TMF1: variants seen among roughly 807,000 people sequenced by gnomAD.
TMF1 encodes the protein TATA element modulatory factor.
In TMF1, 71 loss-of-function variants were observed where a neutral mutation model predicts 126.5. The observed-to-expected ratio is 0.56, with a 90% CI of 0.46 to 0.68. The LOEUF (loss-of-function observed/expected upper bound fraction) is 0.68. Among genes scored for constraint, TMF1 ranks in the 30% least tolerant of loss-of-function variants. The probability of loss-of-function intolerance (pLI) is 0.00; values close to 1 mark genes in which losing one functional copy is unlikely to be tolerated. For missense variants in TMF1, 1,259 were observed against 1,253.2 expected, an observed-to-expected ratio of 1.00 and a Z score of -0.07; for synonymous variants, 461 against 430.5, an observed-to-expected ratio of 1.07 and a Z score of -0.88.
chr3:69,026,521 A>T (rs908615546), intron 13 of TMF1, among the ~76,000 whole-genome samples: 1 of 152,166 alleles, frequency 6.6e-6, no homozygotes, highest in African/African-American at 2.4e-5. Context: ...TGAACCTGGG[A>T]GGTGAGGTTG....
At chr3:69,041,338 GGACA>G (rs1193170321) in intron 5 of TMF1, among the ~76,000 whole-genome samples, 1 of 152,100 alleles carries the variant, frequency 6.6e-6, no homozygotes, top group African/African-American at 2.4e-5. Flanking sequence ...AGCCCCTAAA[GGACA>G]GAGTGTCATA....
chr3:69,036,225 A>C (rs1462061019), intron 8 of TMF1, among the ~76,000 whole-genome samples: 1 of 152,186 alleles, frequency 6.6e-6, no homozygotes, highest in South Asian at 2.1e-4. Context: ...GTTATAAAAC[A>C]GTATAAACAA....
chr3:69,035,646 T>G (rs749366085), intron 8 of TMF1, among the ~76,000 whole-genome samples: 2 of 152,168 alleles, frequency 1.3e-5, no homozygotes, highest in Non-Finnish European at 2.9e-5. Flanking sequence ...CAGTATTAAA[T>G]AGGCTAGCAA....
At chr3:69,031,388 G>T (rs2091801642) in intron 10 of TMF1, among the ~76,000 whole-genome samples, 1 of 151,734 alleles carries the variant, frequency 6.6e-6, no homozygotes, top group Non-Finnish European at 1.5e-5. Context: ...TATGGTAATG[G>T]ATATGTGGTA....
chr3:69,039,923 A>G (rs548727443), intron 5 of TMF1, among the ~76,000 whole-genome samples: 2 of 152,160 alleles, frequency 1.3e-5, no homozygotes, highest in Non-Finnish European at 2.9e-5. Flanking sequence ...TCACTCTCAT[A>G]TATCACCTAC....
rs34428015 is a variant in TMF1, at chr3:69,047,362, C to T, written c.1343G>A (p.Cys448Tyr). ...CCTTCCACTTACTAGAGTTACCTTG[C>T]AAACATCTTCCTTCTCAGAAAGTGC... ...PEALSEKEDV[C>Y]KTVEFLNEKL... Residue 448 changes from cysteine to tyrosine, a missense_variant, in exon 2 of 17, where the codon TGC becomes TAC. Cys to Tyr is a radical substitution (Grantham distance 194). Transcript: ENST00000398559. 4,617 of 1,578,896 alleles carry T rather than the reference C, an allele frequency of 2.9e-3. 116 individuals carry two copies. The African/African-American group carries it at 0.056, about 19-fold the overall frequency.
Position 69,048,148 on chromosome 3 carries a change from T to G in TMF1, c.557A>C (p.Asp186Ala). ...KHEETVNKES[D>A]MKVPTVSLKV... ...CAAACTTACAGTTGGCACCTTCATA[T>G]CCGATTCTTTATTAACAGTTTCTTC... Residue 186 changes from aspartate to alanine, a missense_variant, in exon 2 of 17, where the codon GAT (aspartate) becomes GCT (alanine). Physicochemically the swap from Asp to Ala is moderately radical, Grantham distance 126. Coordinates refer to ENST00000398559, the MANE Select transcript of TMF1 (RefSeq NM_007114.3). The G allele has an allele frequency of 6.2e-7, 1 of 1,614,202 alleles. No individual in the cohort carries two copies. Among genetic ancestry groups the G allele is most frequent in the South Asian group, 1.1e-5 (1 of 91,082 alleles).
chr3:69,034,805 T>A (rs1559631379), intron 9 of TMF1, among the ~76,000 whole-genome samples: 1 of 152,186 alleles, frequency 6.6e-6, no homozygotes, highest in East Asian at 1.9e-4. Context: ...AACAAATCTA[T>A]CATAACATTA....
In TMF1 at chr3:69,023,122, A is replaced by G. The variant is rs2091748718; in HGVS notation, c.*55T>C. 1.4e-6 allele frequency: 2 copies of G among 1,480,452 alleles called. No homozygotes were observed. Among genetic ancestry groups the G allele is most frequent in the Non-Finnish European group, 9.2e-7 (1 of 1,081,984 alleles). The allele number at this position is 1,480,452 out of a possible 1,614,324, so 91.7% of individuals were successfully genotyped here. On this transcript the variant is annotated 3_prime_UTR_variant, in exon 17 of 17. Coordinates refer to ENST00000398559, the MANE Select transcript of TMF1 (RefSeq NM_007114.3). ...AGAATTTATTGGAAGTCCACATTAAATGTTTAGATATTAAATGCTTACATT... is the reference window on the plus strand; with the variant it reads ...AGAATTTATTGGAAGTCCACATTAAGTGTTTAGATATTAAATGCTTACATT...
chr3:69,029,648 C>T (rs906247290), intron 11 of TMF1, among the ~76,000 whole-genome samples, 167 bp downstream of exon 11: 6 of 152,112 alleles, frequency 3.9e-5, no homozygotes, highest in Non-Finnish European at 7.4e-5. Flanking sequence ...GCCATGTTGG[C>T]CAGGCTGGTC....
chr3:69,042,677 A>G (rs1325970466), intron 5 of TMF1, 130 bp downstream of exon 5: 1 of 755,556 alleles, frequency 1.3e-6, no homozygotes, highest in African/African-American at 1.7e-5. Flanking sequence ...ACTGTCACCT[A>G]TTTCTATGGT....
intron 6 of TMF1, 145 bp downstream of exon 6, chr3:69,039,406 A>T: frequency 1.0e-6 from 1 of 973,414 alleles, no homozygotes; most frequent in Non-Finnish European, 1.5e-6. Flanking sequence ...TCGGCTAAAA[A>T]ATCTTATCAT....
At chr3:69,042,458 G>C in intron 5 of TMF1, 1 of 470,854 alleles carries the variant, frequency 2.1e-6, no homozygotes, top group Admixed American at 2.3e-5. Context: ...CTTAAGCTAG[G>C]TATTCAGATA....
chr3:69,033,556 TCA>T lies in TMF1; in HGVS notation c.2391_2392del (p.Asp798Ter). On this transcript the variant is annotated frameshift_variant, in exon 10 of 17. Transcript: ENST00000398559. LOFTEE classifies it high-confidence loss of function. ...AAAACTAAAGCAGTTACCAAGCCTA[TCA>T]GAAAGATTCTTCTCTAATTTCTCCC... 6.2e-7 allele frequency: 1 copy of T among 1,612,634 alleles called. No individual in the cohort carries two copies.
At chr3:69,044,900 C>T (rs2091887091) in intron 2 of TMF1, among the ~76,000 whole-genome samples, 1 of 152,020 alleles carries the variant, frequency 6.6e-6, no homozygotes, top group Non-Finnish European at 1.5e-5. Context: ...TTTAGGTATA[C>T]CTTAGAGGAG....
chr3:69,028,942 A>G (rs918446901), intron 11 of TMF1, among the ~76,000 whole-genome samples: 3 of 151,562 alleles, frequency 2.0e-5, no homozygotes, highest in African/African-American at 7.3e-5. Context: ...CTTTCCCTGG[A>G]AAAAAAAATA....
At chr3:69,051,322 A>G (rs1007012785) in intron 1 of TMF1, among the ~76,000 whole-genome samples, 1 of 152,004 alleles carries the variant, frequency 6.6e-6, no homozygotes, top group Non-Finnish European at 1.5e-5. Flanking sequence ...TAAAAATACA[A>G]AAAGTTGCCG....
Position 69,029,927 on chromosome 3 carries a change from T to C in TMF1, c.2482A>G (p.Met828Val). ...TEELLANKIQ[M>V]SSMESQNSLL... ...GAATTCTGTGACTCCATGGAAGACA[T>C]CTGAATTTTGTTAGCAAGGAGTTCT... is the stretch of plus-strand genomic sequence containing the variant. Residue 828 changes from methionine (M) to valine (V), a missense_variant, in exon 11 of 17, where the codon ATG (methionine) becomes GTG (valine). Coordinates refer to ENST00000398559, the MANE Select transcript of TMF1 (RefSeq NM_007114.3). 6.2e-7 allele frequency: 1 copy of C among 1,614,194 alleles called. No individual in the cohort carries two copies. The highest frequency in any genetic ancestry group is 1.1e-5 in the South Asian group (1 of 91,088).
At chr3:69,029,738 G>A in intron 11 of TMF1, 77 bp downstream of exon 11, 10 of 1,395,620 alleles carry the variant, frequency 7.2e-6, no homozygotes, top group Non-Finnish European at 8.7e-6. Flanking sequence ...ACGGCGCCCG[G>A]CCCAACAACA....
Sources: gnomAD v4.1 joint callset for allele counts (sites outside exome capture counted in the v4.1 genomes callset) on GRCh38, gnomAD v4.1.1 for gene constraint, MANE v1.5 for transcripts, NCBI Gene and HGNC (gene_info 2026-07-23, HGNC 2026-07-21) for gene names.